The following LUZP2 variants were observed in gnomAD, a reference collection of about 807,000 sequenced individuals.
The protein encoded by LUZP2 is leucine zipper protein 2.
In LUZP2, 52 loss-of-function variants were observed where a neutral mutation model predicts 51.6. The ratio of observed to expected loss-of-function variants is 1.01; its 90% CI spans 0.81 to 1.27. The LOEUF (loss-of-function observed/expected upper bound fraction) is 1.27. Among genes scored for constraint, LUZP2 ranks in the 50% most tolerant of loss-of-function variants. The pLI, the probability that LUZP2 is intolerant of heterozygous loss-of-function variation, is 0.00. For synonymous variants in LUZP2, 154 were observed against 137.3 expected, an observed-to-expected ratio of 1.12 and a Z score of -0.85; for missense variants, 436 against 395.4, an observed-to-expected ratio of 1.10 and a Z score of -0.87.
intron 5 of LUZP2, among the ~76,000 whole-genome samples, chr11:24,888,951 C>A (rs1340755029): frequency 6.6e-6 from 1 of 152,132 alleles, no homozygotes; most frequent in Non-Finnish European, 1.5e-5. Context: ...GAGGCCTCCC[C>A]AGCCATGCTG....
chr11:24,657,980 G>A (rs1162507071), intron 1 of LUZP2, among the ~76,000 whole-genome samples: 8 of 152,108 alleles, frequency 5.3e-5, no homozygotes, highest in South Asian at 2.1e-4. Context: ...AATCAATATC[G>A]TGAAAATGGC....
chr11:24,917,509 G>T (rs1179554081), intron 7 of LUZP2, among the ~76,000 whole-genome samples: 3 of 152,082 alleles, frequency 2.0e-5, no homozygotes, highest in Admixed American at 6.6e-5. Context: ...ATTAATTTTT[G>T]TATAAGGTGT....
chr11:24,515,662 T>A (rs1283930590), intron 1 of LUZP2, among the ~76,000 whole-genome samples: 1 of 152,138 alleles, frequency 6.6e-6, no homozygotes, highest in Non-Finnish European at 1.5e-5. Context: ...AAATTTTTGC[T>A]TGGGAAAACA....
At chr11:24,552,238 C>G (rs929413419) in intron 1 of LUZP2, among the ~76,000 whole-genome samples, 4 of 151,844 alleles carry the variant, frequency 2.6e-5, no homozygotes, top group Non-Finnish European at 5.9e-5. Context: ...AGTGTTTAAC[C>G]TAGATAAGTG....
At chr11:24,714,926 A>T (rs991280460) in intron 1 of LUZP2, among the ~76,000 whole-genome samples, 15 of 152,166 alleles carry the variant, frequency 9.9e-5, no homozygotes, top group African/African-American at 3.6e-4. Context: ...CTGTCAGAAG[A>T]GCCTAGAGAG....
chr11:24,562,654 C>T (rs1852083315), intron 1 of LUZP2, among the ~76,000 whole-genome samples: 1 of 150,268 alleles, frequency 6.7e-6, no homozygotes, highest in African/African-American at 2.5e-5. Context: ...GAGAACGAGA[C>T]CATCCTGGCT....
At chr11:24,833,585 A>G (rs549017668) in intron 5 of LUZP2, among the ~76,000 whole-genome samples, 1 of 152,188 alleles carries the variant, frequency 6.6e-6, no homozygotes, top group African/African-American at 2.4e-5. Flanking sequence ...ATCAGGTCAA[A>G]TTTTATTAAA....
intron 7 of LUZP2, among the ~76,000 whole-genome samples, chr11:24,961,014 C>T (rs1855382125): frequency 6.6e-6 from 1 of 152,204 alleles, no homozygotes; most frequent in African/African-American, 2.4e-5. Context: ...ACCCAGTAGT[C>T]ATTCAGGAGC....
chr11:24,987,160 G>A (rs1014931438), intron 9 of LUZP2, among the ~76,000 whole-genome samples: 3 of 151,814 alleles, frequency 2.0e-5, no homozygotes, highest in African/African-American at 7.3e-5. Context: ...CAATAAATAC[G>A]TGAAACAAGT....
chr11:24,943,256 T>C (rs1483136204), intron 7 of LUZP2, among the ~76,000 whole-genome samples: 1 of 152,224 alleles, frequency 6.6e-6, no homozygotes, highest in Non-Finnish European at 1.5e-5. Context: ...CTTCTTCATC[T>C]GTTAGACTGG....
rs533152075 is a variant in LUZP2, at chr11:24,585,243, G to A, written c.62+87938G>A. Reference sequence around the variant, plus strand: ...TATTCGGTGTTTATTTAACTGACTTGCCTGTTTTTAAACACAGTAAGAGGA... The same window carrying A: ...TATTCGGTGTTTATTTAACTGACTTACCTGTTTTTAAACACAGTAAGAGGA... On this transcript the variant is annotated intron_variant, in intron 1 of 11. Transcript: ENST00000336930. 2.6e-5 allele frequency among the ~76,000 whole-genome samples: 4 copies of A among 152,210 alleles called. No homozygotes were observed. The South Asian group carries it at 8.3e-4, about 32-fold the overall frequency.
At chr11:24,520,308 G>C (rs1351112544) in intron 1 of LUZP2, among the ~76,000 whole-genome samples, 1 of 152,128 alleles carries the variant, frequency 6.6e-6, no homozygotes, top group Non-Finnish European at 1.5e-5. Flanking sequence ...TTTGGAAATG[G>C]AACTGTTATC....
chr11:24,705,652 G>A (rs1298586319), intron 1 of LUZP2, among the ~76,000 whole-genome samples: 1 of 152,172 alleles, frequency 6.6e-6, no homozygotes, highest in African/African-American at 2.4e-5. Flanking sequence ...CTGAACAACT[G>A]CAATTACCAT....
intron 1 of LUZP2, among the ~76,000 whole-genome samples, chr11:24,586,166 A>G (rs536715257): frequency 6.6e-6 from 1 of 152,220 alleles, no homozygotes; most frequent in South Asian, 2.1e-4. Context: ...TGTACTTTAA[A>G]TAGAATAGCA....
At chr11:24,872,101 G>A (rs543641930) in intron 5 of LUZP2, among the ~76,000 whole-genome samples, 52 of 152,022 alleles carry the variant, frequency 3.4e-4, no homozygotes, top group African/African-American at 1.1e-3. Flanking sequence ...TATATTGTCC[G>A]GGTTCTGATT....
At chr11:24,785,639 A>G (rs961713078) in intron 5 of LUZP2, among the ~76,000 whole-genome samples, 13 of 152,078 alleles carry the variant, frequency 8.5e-5, no homozygotes, top group African/African-American at 3.1e-4. Flanking sequence ...CAATTCCAAT[A>G]ATAACATGTT....
At chr11:24,659,136 G>A (rs534947054) in intron 1 of LUZP2, among the ~76,000 whole-genome samples, 3 of 152,226 alleles carry the variant, frequency 2.0e-5, no homozygotes, top group South Asian at 4.1e-4. Context: ...GTTTATTGTG[G>A]CACTATTCAC....
chr11:24,971,812 G>C (rs1328602344), intron 7 of LUZP2, among the ~76,000 whole-genome samples: 1 of 151,736 alleles, frequency 6.6e-6, no homozygotes, highest in East Asian at 1.9e-4. Context: ...CTCTTGGCTG[G>C]ATTTTTACCA....
At chr11:24,658,686 G>T (rs551412913) in intron 1 of LUZP2, among the ~76,000 whole-genome samples, 18 of 152,122 alleles carry the variant, frequency 1.2e-4, no homozygotes, top group African/African-American at 4.1e-4. Context: ...CTGACAAAGG[G>T]CTAATATCCA....
Sources: gnomAD v4.1 joint callset for allele counts (sites outside exome capture counted in the v4.1 genomes callset) on GRCh38, gnomAD v4.1.1 for gene constraint, MANE v1.5 for transcripts, NCBI Gene and HGNC (gene_info 2026-07-23, HGNC 2026-07-21) for gene names.